Variants in SMURF2 observed in about 807,000 individuals in gnomAD.
The protein encoded by SMURF2 is E3 ubiquitin-protein ligase SMURF2.
SMURF2 carries 48 observed loss-of-function variants against 109.6 expected under a neutral mutation model. The ratio of observed to expected loss-of-function variants is 0.44; its 90% CI spans 0.35 to 0.56. The LOEUF is 0.56. Among genes scored for constraint, SMURF2 ranks in the 20% least tolerant of loss-of-function variants. The probability of loss-of-function intolerance (pLI) is 0.01; values close to 1 mark genes in which losing one functional copy is unlikely to be tolerated. For synonymous variants in SMURF2, 288 were observed against 317.1 expected (o/e 0.91, Z 0.97); for missense variants, 575 against 909.0 (o/e 0.63, Z 4.72).
chr17:64,657,197 T>G (rs914906926), intron 1 of SMURF2, among the ~76,000 whole-genome samples: 6 of 152,092 alleles, frequency 3.9e-5, no homozygotes, highest in African/African-American at 1.2e-4. Flanking sequence ...CTTAGAGTCA[T>G]AGAGGACAGT....
chr17:64,636,148 C>A (rs1970413230), intron 1 of SMURF2, among the ~76,000 whole-genome samples: 1 of 151,946 alleles, frequency 6.6e-6, no homozygotes, highest in Admixed American at 6.6e-5. Context: ...ACCCTTTGCC[C>A]TTTTTTTTGA....
rs1598272644 is a variant in SMURF2, at chr17:64,562,901, T to A, written c.1082A>T (p.Glu361Val). 1 of 1,614,216 alleles carries A rather than the reference T, an allele frequency of 6.2e-7. No individual in the cohort carries two copies. The highest frequency in any genetic ancestry group is 2.2e-5 in the East Asian group (1 of 44,890). Residue 361 changes from glutamate to valine, a missense_variant, in exon 11 of 19, where the codon GAA becomes GTA. Glu to Val is a moderately radical substitution (Grantham distance 121). This residue lies in a region of SMURF2 where 361 missense variants were observed against 612.1 expected (regional missense o/e 0.59). Transcript: ENST00000262435. Reference protein sequence around the residue: ...QVVSLCPDDTECLTVPRYKRD... With the variant: ...QVVSLCPDDTVCLTVPRYKRD... ...CTTGTACCTTGGGACTGTCAGGCAT[T>A]CTGTGTCATCAGGACATAACGATAC...
At chr17:64,609,022 T>C (rs1025439642) in intron 1 of SMURF2, among the ~76,000 whole-genome samples, 6 of 152,026 alleles carry the variant, frequency 3.9e-5, no homozygotes, top group African/African-American at 9.7e-5. Context: ...ACAGAGCCAA[T>C]TGCTATAAAG....
At chr17:64,598,543 T>A in intron 2 of SMURF2, 53 bp from the exon 3 acceptor site, 1 of 1,412,526 alleles carries the variant, frequency 7.1e-7, no homozygotes, top group Non-Finnish European at 9.7e-7. Context: ...GATAGAAGAT[T>A]AATTATACAA....
Position 64,580,781 on chromosome 17 carries a change from T to A in SMURF2, c.772+8A>T. The stretch of plus-strand genomic sequence containing the variant: ...CCACATTTTATTTTTCCTTTGTAGT[T>A]GTCATACCATAGCCTTCTGGTAGGT... On this transcript the variant is annotated splice_region_variant and intron_variant, in intron 8 of 18. Coordinates refer to ENST00000262435, the MANE Select transcript of SMURF2 (RefSeq NM_022739.4). 1 of 1,612,838 alleles carries A rather than the reference T, an allele frequency of 6.2e-7. No homozygotes were observed. Among genetic ancestry groups the A allele is most frequent in the Non-Finnish European group, 8.5e-7 (1 of 1,178,824 alleles).
chr17:64,590,143 T>C (rs1261091684), intron 5 of SMURF2, among the ~76,000 whole-genome samples: 1 of 131,100 alleles, frequency 7.6e-6, no homozygotes, highest in East Asian at 2.0e-4. Context: ...ATTTTTCTTT[T>C]CTTTTTTTTT....
At position 64,599,800 on chromosome 17, in the gene SMURF2, T is replaced by G. The variant is rs1969868963; in HGVS notation, c.92-1310A>C. ...ATGAAACCGGTCCCTGTGCCGAAGG[T>G]TGGGGGCTGCTGCTTTAAAGGGCAT... On this transcript the variant is annotated intron_variant, in intron 2 of 18. Transcript: ENST00000262435. Among the ~76,000 whole-genome samples, 3 of 152,194 alleles carry G rather than the reference T, an allele frequency of 2.0e-5. No individual in the cohort carries two copies. The South Asian group carries it at 6.2e-4, about 32-fold the overall frequency.
rs148974467 is a variant in SMURF2, at chr17:64,642,004, A to G, written c.52+19825T>C. On this transcript the variant is annotated intron_variant, in intron 1 of 18. Coordinates refer to ENST00000262435, the MANE Select transcript of SMURF2 (RefSeq NM_022739.4). ...TGTATTTTAGTAGAAACAGGGTTTC[A>G]CCATGTTGCACAGGCTGGTCTCAAA... Among the ~76,000 whole-genome samples, 7 of 152,320 alleles carry G rather than the reference A, an allele frequency of 4.6e-5. 1 individual carries two copies. In the East Asian group the frequency reaches 1.3e-3, roughly 29 times the overall value.
chr17:64,648,385 G>T (rs1970589901), intron 1 of SMURF2, among the ~76,000 whole-genome samples: 1 of 152,126 alleles, frequency 6.6e-6, no homozygotes, highest in Non-Finnish European at 1.5e-5. Flanking sequence ...AATTACTAAG[G>T]TATAAATGTT....
In SMURF2 at chr17:64,646,067, A is replaced by G. The variant is rs370473565; in HGVS notation, c.52+15762T>C. Among the ~76,000 whole-genome samples, 22 of 151,474 alleles carry G rather than the reference A, an allele frequency of 1.5e-4. No homozygotes were observed. The East Asian group carries it at 3.7e-3, about 25-fold the overall frequency. ...ATGGCATTTGACTTCACTATTTCTT[A>G]TAATTTTTTTTTTTTTTGAGATGGA... On this transcript the variant is annotated intron_variant, in intron 1 of 18. Coordinates refer to ENST00000262435, the MANE Select transcript of SMURF2 (RefSeq NM_022739.4).
rs1300661980 is a variant in SMURF2 at position 64,583,616 on chromosome 17, G to A, written c.486-72C>T. 7 of 1,077,170 alleles carry A rather than the reference G, an allele frequency of 6.5e-6. No homozygotes were observed. The East Asian group carries it at 1.7e-4, about 25-fold the overall frequency. 66.7% of individuals were successfully genotyped at this position (1,077,170 alleles called of 1,614,324 possible). A position where few individuals can be genotyped will look rare whatever the true frequency, so the allele number is the denominator to read the frequency against. On this transcript the variant is annotated intron_variant, in intron 6 of 18. Coordinates refer to ENST00000262435, the MANE Select transcript of SMURF2 (RefSeq NM_022739.4). Reference sequence around the variant, plus strand: ...CACAGTGCAACAAGCAAGCCAGTAAGACATCTGCTGTTACAAATCGGGAAT... The same window carrying A: ...CACAGTGCAACAAGCAAGCCAGTAAAACATCTGCTGTTACAAATCGGGAAT...
At chr17:64,642,704 A>G (rs1416635366) in intron 1 of SMURF2, among the ~76,000 whole-genome samples, 3 of 152,230 alleles carry the variant, frequency 2.0e-5, no homozygotes, top group Non-Finnish European at 4.4e-5. Context: ...GTGTAGGCAA[A>G]TATTAGTATG....
intron 9 of SMURF2, among the ~76,000 whole-genome samples, chr17:64,576,622 C>T (rs781784464): frequency 6.6e-6 from 1 of 150,998 alleles, no homozygotes; most frequent in Non-Finnish European, 1.5e-5. Context: ...TGACATTGCA[C>T]CACTGCACTC....
chr17:64,591,285 C>G, intron 4 of SMURF2, 136 bp from the exon 5 acceptor site: 1 of 624,706 alleles, frequency 1.6e-6, no homozygotes, highest in Non-Finnish European at 2.7e-6. Flanking sequence ...TTTCAAAAAC[C>G]AAACACTGGT....
At chr17:64,643,480 A>G (rs1040242680) in intron 1 of SMURF2, among the ~76,000 whole-genome samples, 2 of 152,240 alleles carry the variant, frequency 1.3e-5, no homozygotes, top group East Asian at 1.9e-4. Flanking sequence ...GCCGTCATGT[A>G]CTACATAAAC....
chr17:64,573,065 A>G (rs1218370560), intron 9 of SMURF2: 3 of 149,360 alleles, frequency 2.0e-5, no homozygotes, highest in Non-Finnish European at 4.4e-5. Context: ...AAAGTGACCA[A>G]GCAAACTCAA....
chr17:64,546,035 C>G (rs1555683078), intron 18 of SMURF2, 88 bp from the exon 19 acceptor site: 5 of 929,576 alleles, frequency 5.4e-6, no homozygotes, highest in African/African-American at 1.6e-5. Context: ...CCACATCACT[C>G]TGTGTCACAC....
intron 1 of SMURF2, among the ~76,000 whole-genome samples, chr17:64,617,404 G>C (rs1415047063): frequency 6.6e-6 from 1 of 152,166 alleles, no homozygotes; most frequent in African/African-American, 2.4e-5. Flanking sequence ...AAAAGATACA[G>C]GTTCTGAGGT....
intron 9 of SMURF2, among the ~76,000 whole-genome samples, chr17:64,577,825 G>T (rs945258676): frequency 6.6e-5 from 10 of 152,150 alleles, no homozygotes; most frequent in Non-Finnish European, 1.5e-4. Context: ...AACTCCTGGG[G>T]CTCAAGTGAT....
Sources: allele counts gnomAD v4.1 joint callset (sites outside exome capture counted in the v4.1 genomes callset), GRCh38; gene constraint gnomAD v4.1.1; regional missense constraint gnomAD v4.1.1; transcripts MANE v1.5; gene names NCBI Gene and HGNC (gene_info 2026-07-23, HGNC 2026-07-21).